IFT81: variants seen among roughly 807,000 people sequenced by gnomAD.
IFT81 encodes the protein intraflagellar transport protein 81 homolog.
IFT81 carries 72 observed loss-of-function variants against 102.6 expected under a neutral mutation model. That is an observed-to-expected ratio of 0.70 (90% CI 0.58 to 0.85). IFT81 has a LOEUF of 0.85. Among genes scored for constraint, IFT81 ranks in the 40% least tolerant of loss-of-function variants. The pLI is 0.00. For synonymous variants in IFT81, 237 were observed against 242.7 expected (o/e 0.98, Z 0.22); for missense variants, 723 against 787.3 (o/e 0.92, Z 0.98).
chr12:110,189,551 G>A (rs1897697013), intron 12 of IFT81, among the ~76,000 whole-genome samples: 1 of 152,050 alleles, frequency 6.6e-6, no homozygotes, highest in Non-Finnish European at 1.5e-5. Flanking sequence ...GTTTCGCCAT[G>A]TTGGCCAGTC....
At chr12:110,171,523 G>T (rs1257687357) in intron 11 of IFT81, among the ~76,000 whole-genome samples, 2 of 152,154 alleles carry the variant, frequency 1.3e-5, no homozygotes, top group African/African-American at 4.8e-5. Context: ...ACCATATGTA[G>T]ATAATTACAT....
chr12:110,162,601 CTGAGATTACAGGTT>C (rs1270499816), intron 10 of IFT81: 2 of 190,932 alleles, frequency 1.0e-5, no homozygotes, highest in Non-Finnish European at 2.2e-5. Flanking sequence ...TCCCAAAGTG[CTGAGATTACAGGTT>C]TGAGCCACCA....
chr12:110,174,899 A>G (rs1896974129), intron 11 of IFT81, among the ~76,000 whole-genome samples: 1 of 152,246 alleles, frequency 6.6e-6, no homozygotes, highest in Admixed American at 6.5e-5. Flanking sequence ...AGTCCATTAC[A>G]AAACCCAAAT....
chr12:110,173,250 C>T (rs1232242221), intron 11 of IFT81, among the ~76,000 whole-genome samples: 1 of 147,520 alleles, frequency 6.8e-6, no homozygotes, highest in Non-Finnish European at 1.5e-5. Flanking sequence ...CCGCCCCGTC[C>T]GGGAGGTGAG....
At chr12:110,175,948 A>G (rs975791839) in intron 11 of IFT81, among the ~76,000 whole-genome samples, 1 of 152,024 alleles carries the variant, frequency 6.6e-6, no homozygotes, top group African/African-American at 2.4e-5. Context: ...TGTTTGCTCA[A>G]TTTAAATAAT....
chr12:110,127,248 G>T, intron 1 of IFT81, 112 bp from the exon 2 acceptor site: 2 of 1,012,398 alleles, frequency 2.0e-6, no homozygotes, highest in Non-Finnish European at 2.7e-6. Flanking sequence ...CATTTTGTAT[G>T]CCATGTAAAA....
At chr12:110,172,928 G>GTCTGAGAAGTGAGGAGCCTC (rs1896818187) in intron 11 of IFT81, among the ~76,000 whole-genome samples, 2 of 146,404 alleles carry the variant, frequency 1.4e-5, no homozygotes, top group Admixed American at 6.8e-5. Context: ...CAGCCGCCCC[G>GTCTGAGAAGTGAGGAGCCTC]TCCGGGAGGG....
intron 3 of IFT81, 57 bp downstream of exon 3, chr12:110,128,206 C>A (rs1332753478): frequency 2.0e-6 from 2 of 1,015,318 alleles, no homozygotes; most frequent in South Asian, 1.3e-5. Flanking sequence ...TCCAAACCTT[C>A]ATATACTGCA....
chr12:110,143,720 ATTAC>A (rs899030764), intron 9 of IFT81, among the ~76,000 whole-genome samples, 175 bp downstream of exon 9: 1 of 152,204 alleles, frequency 6.6e-6, no homozygotes, highest in African/African-American at 2.4e-5. Flanking sequence ...ATGTTATGCT[ATTAC>A]TTAATCCACA....
chr12:110,137,773 TAGC>T (rs568448651), intron 8 of IFT81, among the ~76,000 whole-genome samples: 162 of 151,938 alleles, frequency 1.1e-3, no homozygotes, highest in African/African-American at 3.8e-3. Flanking sequence ...ATAAAGGACT[TAGC>T]ATGGACGTTG....
At chr12:110,184,429 T>G (rs906528755) in intron 12 of IFT81, among the ~76,000 whole-genome samples, 1 of 152,192 alleles carries the variant, frequency 6.6e-6, no homozygotes, top group African/African-American at 2.4e-5. Context: ...TGGAGTTTAG[T>G]GATAGCCACC....
intron 8 of IFT81, among the ~76,000 whole-genome samples, chr12:110,142,419 G>T (rs943632703): frequency 6.6e-6 from 1 of 151,702 alleles, no homozygotes; most frequent in Admixed American, 6.6e-5. Context: ...CACCCACCTC[G>T]GCCTCCCAAA....
At chr12:110,165,802 A>C (rs1302855540) in intron 11 of IFT81, among the ~76,000 whole-genome samples, 1 of 152,232 alleles carries the variant, frequency 6.6e-6, no homozygotes, top group Non-Finnish European at 1.5e-5. Flanking sequence ...CTCTATCTGT[A>C]AAATGGGGCT....
At position 110,137,465 on chromosome 12, in the gene IFT81, A is replaced by G. The variant is rs556723268; in HGVS notation, c.781+605A>G. ...AGGACTTAGCATGGCTGGGCGTGGT[A>G]GCTCACACTTATAATCCCAGCACTT... On this transcript the variant is annotated intron_variant, in intron 8 of 18. Transcript: ENST00000242591. Among the ~76,000 whole-genome samples the G allele has an allele frequency of 2.6e-5, 4 of 152,044 alleles. No individual in the cohort carries two copies. In the South Asian group the frequency reaches 8.3e-4, roughly 32 times the overall value.
chr12:110,172,349 C>T (rs1896779275), intron 11 of IFT81, among the ~76,000 whole-genome samples: 1 of 151,800 alleles, frequency 6.6e-6, no homozygotes, highest in Admixed American at 6.6e-5. Flanking sequence ...CTGCCTCTGC[C>T]TCTCCCCATG....
chr12:110,191,161 C>A, intron 13 of IFT81, 113 bp downstream of exon 13: 65 of 802,348 alleles, frequency 8.1e-5, no homozygotes, highest in Non-Finnish European at 1.1e-4. Context: ...ACATTACATT[C>A]TTTCATCTTT....
At chr12:110,132,739 G>T in intron 5 of IFT81, 103 bp downstream of exon 5, 2 of 574,326 alleles carry the variant, frequency 3.5e-6, no homozygotes, top group Non-Finnish European at 3.1e-6. Context: ...ATGGAGACTA[G>T]TGATAGCAAA....
intron 11 of IFT81, among the ~76,000 whole-genome samples, chr12:110,176,851 T>G (rs1274307852): frequency 6.6e-6 from 1 of 152,246 alleles, no homozygotes; most frequent in African/African-American, 2.4e-5. Context: ...TCAAAAACAT[T>G]TATAGCTTTC....
At chr12:110,187,967 A>G (rs1897612662) in intron 12 of IFT81, among the ~76,000 whole-genome samples, 1 of 152,154 alleles carries the variant, frequency 6.6e-6, no homozygotes, top group Non-Finnish European at 1.5e-5. Flanking sequence ...TGCACCCTGG[A>G]AAGTCCTGAA....
Sources: gnomAD v4.1 joint callset for allele counts (sites outside exome capture counted in the v4.1 genomes callset) on GRCh38, gnomAD v4.1.1 for gene constraint, MANE v1.5 for transcripts, NCBI Gene and HGNC (gene_info 2026-07-23, HGNC 2026-07-21) for gene names.